Variants in SENP7 observed in about 807,000 individuals in gnomAD.
SENP7 encodes the protein sentrin-specific protease 7.
In SENP7, 64 loss-of-function variants were observed where a neutral mutation model predicts 141.2. The ratio of observed to expected loss-of-function variants is 0.45; its 90% CI spans 0.37 to 0.56. The LOEUF (loss-of-function observed/expected upper bound fraction) is 0.56, where lower values mean the gene tolerates loss of function less well. SENP7 is among the 20% of genes least tolerant of loss of function. The pLI is 0.00. For missense variants in SENP7, 1,025 were observed against 1,212.2 expected (o/e 0.85, Z 2.29); for synonymous variants, 382 against 426.4 (o/e 0.90, Z 1.28).
chr3:101,349,687 T>A (rs916911347), intron 12 of SENP7, among the ~76,000 whole-genome samples: 1 of 151,992 alleles, frequency 6.6e-6, no homozygotes, highest in African/African-American at 2.4e-5. Flanking sequence ...AGTATAATAA[T>A]AATAATTTAA....
intron 17 of SENP7, among the ~76,000 whole-genome samples, chr3:101,334,943 C>T (rs1285050755): frequency 6.6e-6 from 1 of 152,152 alleles, no homozygotes; most frequent in Non-Finnish European, 1.5e-5. Flanking sequence ...ATAATAGGCA[C>T]TGTTATCATC....
In SENP7 at chr3:101,440,607, TCAATTTCCC is replaced by T. The variant is rs1434407387; in HGVS notation, c.284+18339_284+18347del. 2.1e-5 allele frequency among the ~76,000 whole-genome samples: 3 copies of T among 142,832 alleles called. No homozygotes were observed. The South Asian group carries it at 6.7e-4, about 32-fold the overall frequency. 93.7% of individuals were successfully genotyped at this position (142,832 alleles called of 152,430 possible). ...AAAAAAAAAAAAAAAAGAATGAGTA[TCAATTTCCC>T]CAAAAACTCTTCCAGAAAACAATGA... On this transcript the variant is annotated intron_variant, in intron 4 of 23. Coordinates refer to ENST00000394095, the MANE Select transcript of SENP7 (RefSeq NM_020654.5).
At chr3:101,479,802 C>CA (rs756242957) in intron 3 of SENP7, among the ~76,000 whole-genome samples, 8,618 of 85,720 alleles carry the variant, frequency 0.1, 476 homozygotes, top group African/African-American at 0.15. Flanking sequence ...GAGACTCTGT[C>CA]AAAAAAAAAA....
chr3:101,494,230 T>C (rs1055771737), intron 2 of SENP7, among the ~76,000 whole-genome samples: 15 of 152,196 alleles, frequency 9.9e-5, no homozygotes, highest in Non-Finnish European at 7.4e-5. Context: ...CTTCCCCTTT[T>C]AACCTTTCAA....
intron 11 of SENP7, among the ~76,000 whole-genome samples, chr3:101,360,866 T>C (rs1314281399): frequency 1.3e-5 from 2 of 152,142 alleles, no homozygotes; most frequent in East Asian, 3.8e-4. Context: ...TCAGAGAAGC[T>C]TTAAAAGATG....
chr3:101,405,381 C>G (rs7432176), intron 5 of SENP7, among the ~76,000 whole-genome samples: 60,345 of 151,898 alleles, frequency 0.4, 12,504 homozygotes, highest in Admixed American at 0.54. Flanking sequence ...AGGAAAAGGG[C>G]GAGAGTACTA....
Position 101,343,956 on chromosome 3 carries a change from T to A in SENP7, c.1838-2A>T, listed in dbSNP as rs1334634974. 5.2e-6 allele frequency: 8 copies of A among 1,537,504 alleles called. No homozygotes were observed. In the Admixed American group the frequency reaches 1.0e-4, roughly 20 times the overall value. ...GGAAAATGAATTCACTAGATTTTGC[T>A]ACAAAAGGAAAAAATAATTTGTATC... is the stretch of plus-strand genomic sequence containing the variant. On this transcript the variant is annotated splice_acceptor_variant, in intron 13 of 23. Coordinates refer to ENST00000394095, the MANE Select transcript of SENP7 (RefSeq NM_020654.5). LOFTEE classifies it high-confidence loss of function.
intron 6 of SENP7, among the ~76,000 whole-genome samples, chr3:101,392,418 A>G (rs1337429142): frequency 6.6e-6 from 1 of 152,090 alleles, no homozygotes; most frequent in East Asian, 1.9e-4. Flanking sequence ...AACTAGCTGG[A>G]AAAAAAATAA....
intron 19 of SENP7, among the ~76,000 whole-genome samples, chr3:101,331,496 C>T (rs892320552): frequency 7.2e-6 from 1 of 139,448 alleles, no homozygotes; most frequent in Non-Finnish European, 1.5e-5. Flanking sequence ...GTATGTTGTA[C>T]ATAGTAAATA....
At chr3:101,458,277 G>A (rs2063425024) in intron 4 of SENP7, among the ~76,000 whole-genome samples, 1 of 152,192 alleles carries the variant, frequency 6.6e-6, no homozygotes, top group Non-Finnish European at 1.5e-5. Flanking sequence ...GGACCCCAAT[G>A]AGTCTTCTAA....
At chr3:101,490,669 T>C (rs2064930552) in intron 3 of SENP7, among the ~76,000 whole-genome samples, 2 of 152,208 alleles carry the variant, frequency 1.3e-5, no homozygotes, top group Admixed American at 6.5e-5. Flanking sequence ...CTCTTAAGAT[T>C]GCCTGTTTAA....
rs983872693 is a variant in SENP7, at chr3:101,399,143, G to T, written c.483-88C>A. The T allele has an allele frequency of 3.8e-6, 3 of 784,288 alleles. No individual in the cohort carries two copies. The African/African-American group carries it at 5.3e-5, about 14-fold the overall frequency. 48.6% of individuals were successfully genotyped at this position (784,288 alleles called of 1,614,324 possible). On this transcript the variant is annotated intron_variant, in intron 5 of 23. Transcript: ENST00000394095. Reference sequence around the variant, plus strand: ...CCAGGAAGGTGAATTTTCAATCATTGCCATCTTAGCACAAGAAAGCTGTTC... The same window carrying T: ...CCAGGAAGGTGAATTTTCAATCATTTCCATCTTAGCACAAGAAAGCTGTTC...
intron 13 of SENP7, chr3:101,347,339 AT>A (rs2059489131): frequency 6.6e-6 from 1 of 152,226 alleles, no homozygotes; most frequent in Non-Finnish European, 1.5e-5. Flanking sequence ...TTTTTAAGCT[AT>A]TCTTTTTATT....
At chr3:101,470,584 C>T (rs1441425910) in intron 3 of SENP7, among the ~76,000 whole-genome samples, 4 of 152,120 alleles carry the variant, frequency 2.6e-5, no homozygotes, top group Non-Finnish European at 5.9e-5. Context: ...CCTTTGAAAA[C>T]GGGCACAAGA....
At chr3:101,442,126 C>T (rs973915016) in intron 4 of SENP7, among the ~76,000 whole-genome samples, 15 of 152,094 alleles carry the variant, frequency 9.9e-5, no homozygotes, top group South Asian at 2.1e-4. Flanking sequence ...ACATAAGAAA[C>T]ATGACAAAGC....
chr3:101,446,880 G>A (rs10936628), intron 4 of SENP7, among the ~76,000 whole-genome samples: 60,312 of 151,662 alleles, frequency 0.4, 12,501 homozygotes, highest in Admixed American at 0.54. Context: ...CAAACATAAC[G>A]AGAATTAGTA....
chr3:101,503,911 A>C (rs1020201088), intron 1 of SENP7, among the ~76,000 whole-genome samples: 7 of 151,992 alleles, frequency 4.6e-5, no homozygotes, highest in Non-Finnish European at 8.8e-5. Context: ...GCACCACTGC[A>C]CTCCAGCCTG....
chr3:101,414,241 A>C, intron 5 of SENP7: 1 of 569,166 alleles, frequency 1.8e-6, no homozygotes, highest in Non-Finnish European at 3.2e-6. Context: ...CAGCAGCTGC[A>C]GGTGACGAGT....
intron 11 of SENP7, among the ~76,000 whole-genome samples, chr3:101,360,627 T>TA (rs1354385086): frequency 1.3e-5 from 2 of 152,176 alleles, no homozygotes; most frequent in African/African-American, 2.4e-5. Context: ...AGTGCCTGCT[T>TA]AGAGTGGAAA....
Sources: allele counts gnomAD v4.1 joint callset (sites outside exome capture counted in the v4.1 genomes callset), GRCh38; gene constraint gnomAD v4.1.1; transcripts MANE v1.5; gene names NCBI Gene and HGNC (gene_info 2026-07-23, HGNC 2026-07-21).